Variants in MTUS1 observed in about 807,000 individuals in gnomAD.
MTUS1 encodes the protein microtubule associated scaffold protein 1.
MTUS1 carries 109 observed loss-of-function variants against 120.8 expected under a neutral mutation model. The ratio of observed to expected loss-of-function variants is 0.90; its 90% CI spans 0.77 to 1.06. MTUS1 has a LOEUF of 1.06. MTUS1 is among the 50% of genes least tolerant of loss of function. The probability of loss-of-function intolerance (pLI) is 0.00; values close to 1 mark genes in which losing one functional copy is unlikely to be tolerated. For missense variants in MTUS1, 2,210 were observed against 1,486.3 expected, an observed-to-expected ratio of 1.49 and a Z score of -8.01; for synonymous variants, 737 against 550.5, an observed-to-expected ratio of 1.34 and a Z score of -4.74.
chr8:17,790,127 T>A (rs976811146), intron 1 of MTUS1, among the ~76,000 whole-genome samples: 17 of 152,016 alleles, frequency 1.1e-4, no homozygotes, highest in African/African-American at 4.1e-4. Context: ...GGCAGGTGGA[T>A]CACAAGATCA....
intron 3 of MTUS1, among the ~76,000 whole-genome samples, chr8:17,740,446 A>G (rs972708590): frequency 2.6e-5 from 4 of 152,190 alleles, no homozygotes; most frequent in African/African-American, 7.2e-5. Flanking sequence ...TTTGGTTTCA[A>G]TTTGCTAATA....
chr8:17,720,619 C>T (rs1202288220), intron 4 of MTUS1, among the ~76,000 whole-genome samples: 3 of 152,110 alleles, frequency 2.0e-5, no homozygotes, highest in Non-Finnish European at 4.4e-5. Flanking sequence ...GTCTTTGGAC[C>T]TTACTTTCCT....
At position 17,654,611 on chromosome 8, in the gene MTUS1, T is replaced by C. The variant is rs1807797981; in HGVS notation, c.3164A>G (p.His1055Arg). 1 of 1,614,068 alleles carries C rather than the reference T, an allele frequency of 6.2e-7. No homozygotes were observed. The highest frequency in any genetic ancestry group is 1.7e-5 in the Admixed American group (1 of 60,014). Residue 1055 changes from histidine to arginine, a missense_variant, in exon 10 of 15, where the codon CAC (histidine) becomes CGC (arginine). Transcript: ENST00000693296. ...ETSKLEIEAS[H>R]SEKLELLKKA... ...CTTTAGCAATTCAAGTTTCTCTGAG[T>C]GGCTAGCTTCAATTTCCAACTTAGA...
At chr8:17,765,129 A>G (rs894922278) in intron 1 of MTUS1, among the ~76,000 whole-genome samples, 1 of 152,116 alleles carries the variant, frequency 6.6e-6, no homozygotes, top group African/African-American at 2.4e-5. Context: ...CACAGTTCAC[A>G]ATAGGGTTCA....
chr8:17,787,367 A>T (rs2051394967), intron 1 of MTUS1, among the ~76,000 whole-genome samples: 1 of 152,214 alleles, frequency 6.6e-6, no homozygotes, highest in Non-Finnish European at 1.5e-5. Flanking sequence ...TGAGATGCTA[A>T]ACCTGATGTT....
intron 3 of MTUS1, among the ~76,000 whole-genome samples, chr8:17,736,616 G>A (rs1383701537): frequency 6.6e-6 from 1 of 151,790 alleles, no homozygotes; most frequent in Non-Finnish European, 1.5e-5. Context: ...ATGGGGTCTT[G>A]CTCTCTCACC....
At chr8:17,660,666 G>A (rs1340996199) in intron 8 of MTUS1, among the ~76,000 whole-genome samples, 1 of 151,960 alleles carries the variant, frequency 6.6e-6, no homozygotes, top group Admixed American at 6.6e-5. Flanking sequence ...TACACACAAG[G>A]GTTCCAATTT....
In MTUS1 at chr8:17,701,555, AT is replaced by A. The variant is rs906528353; in HGVS notation, c.2623+11658del. Among the ~76,000 whole-genome samples, 174 of 150,522 alleles carry A rather than the reference AT, an allele frequency of 1.2e-3. 2 individuals are homozygous for A. The highest frequency in any genetic ancestry group is 3.4e-3 in the Middle Eastern group (1 of 294). The stretch of plus-strand genomic sequence containing the variant: ...CAAAACCTCATATGTTCATCGTAGA[AT>A]TTTTTTTTTGAGACGGAACCTCGGT... On this transcript the variant is annotated intron_variant, in intron 6 of 14. Coordinates refer to ENST00000693296, the MANE Select transcript of MTUS1 (RefSeq NM_001363059.2).
intron 6 of MTUS1, among the ~76,000 whole-genome samples, chr8:17,690,466 A>G (rs531436230): frequency 1.2e-4 from 18 of 152,320 alleles, no homozygotes; most frequent in African/African-American, 4.3e-4. Flanking sequence ...CTCTATGGAA[A>G]ACAGTATGGA....
chr8:17,774,845 AC>A (rs1362623630), intron 1 of MTUS1, among the ~76,000 whole-genome samples: 1 of 152,108 alleles, frequency 6.6e-6, no homozygotes, highest in Non-Finnish European at 1.5e-5. Context: ...GTCAGTGGCC[AC>A]CACTGACAGA....
chr8:17,781,346 T>A (rs1360266852), intron 1 of MTUS1, among the ~76,000 whole-genome samples: 1 of 152,230 alleles, frequency 6.6e-6, no homozygotes, highest in Non-Finnish European at 1.5e-5. Flanking sequence ...TTAGTAAGAA[T>A]GTTAAATAAT....
rs1231698871 is a variant in MTUS1 at position 17,656,068 on chromosome 8, G to A, written c.2906-3C>T. On this transcript the variant is annotated splice_region_variant and splice_polypyrimidine_tract_variant and intron_variant, in intron 8 of 14. Coordinates refer to ENST00000693296, the MANE Select transcript of MTUS1 (RefSeq NM_001363059.2). ...CTCACAGGTGGTTGAAGCAGTGACT[G>A]AAAACAGAGGAGAAAGAAGAGGGAA... is the stretch of plus-strand genomic sequence containing the variant. The A allele has an allele frequency of 3.7e-6, 6 of 1,613,638 alleles. No homozygotes were observed. In the South Asian group the frequency reaches 5.5e-5, roughly 15 times the overall value.
intron 4 of MTUS1, among the ~76,000 whole-genome samples, chr8:17,720,358 A>C (rs1161456207): frequency 6.6e-6 from 1 of 151,436 alleles, no homozygotes; most frequent in Non-Finnish European, 1.5e-5. Context: ...AAAAAAAAAA[A>C]CAAAAAACAA....
rs79039379 is a variant in MTUS1, at chr8:17,795,295, A to G, written c.-155+5766T>C. On this transcript the variant is annotated intron_variant, in intron 1 of 14. Coordinates refer to ENST00000693296, the MANE Select transcript of MTUS1 (RefSeq NM_001363059.2). ...AAGATTCCCTTTTCAATGTCATTTT[A>G]GGACACAAAATGTCCTTAAATGTTT... Among the ~76,000 whole-genome samples the G allele has an allele frequency of 6.5e-3, 984 of 152,332 alleles. 13 individuals are homozygous for G. The highest frequency in any genetic ancestry group is 0.023 in the African/African-American group (950 of 41,566).
intron 6 of MTUS1, among the ~76,000 whole-genome samples, chr8:17,685,398 A>T (rs569027932): frequency 6.6e-6 from 1 of 152,328 alleles, no homozygotes; most frequent in Non-Finnish European, 1.5e-5. Flanking sequence ...AAAACAGGAC[A>T]TCAATTGCTT....
intron 1 of MTUS1, among the ~76,000 whole-genome samples, chr8:17,784,295 GTT>G (rs34896566): frequency 4.0e-5 from 5 of 125,408 alleles, no homozygotes; most frequent in Non-Finnish European, 3.2e-5. Flanking sequence ...TCTTACAACT[GTT>G]TTTTTTTTTT....
intron 3 of MTUS1, among the ~76,000 whole-genome samples, chr8:17,742,404 C>T (rs1461654500): frequency 6.6e-6 from 1 of 151,572 alleles, no homozygotes; most frequent in African/African-American, 2.4e-5. Context: ...CATAAACCAC[C>T]ACACCCAGCC....
At chr8:17,674,435 G>T (rs1213265137) in intron 8 of MTUS1, 2 of 977,454 alleles carry the variant, frequency 2.0e-6, no homozygotes, top group Non-Finnish European at 2.4e-6. Context: ...AAAAGAAAAA[G>T]AAACAGAAAA....
intron 7 of MTUS1, among the ~76,000 whole-genome samples, chr8:17,679,519 T>G (rs1203973996): frequency 6.7e-6 from 1 of 148,492 alleles, no homozygotes; most frequent in Non-Finnish European, 1.5e-5. Flanking sequence ...TTATTTATTT[T>G]TTGAGACAGG....
Sources: gnomAD v4.1 joint callset for allele counts (sites outside exome capture counted in the v4.1 genomes callset) on GRCh38, gnomAD v4.1.1 for gene constraint, MANE v1.5 for transcripts, NCBI Gene and HGNC (gene_info 2026-07-23, HGNC 2026-07-21) for gene names.